TRAK1: variants seen among roughly 807,000 people sequenced by gnomAD.
The protein encoded by TRAK1 is trafficking kinesin-binding protein 1.
In TRAK1, 33 loss-of-function variants were observed where a neutral mutation model predicts 92.1. The ratio of observed to expected loss-of-function variants is 0.36; its 90% CI spans 0.27 to 0.48. The LOEUF is 0.48. Among genes scored for constraint, TRAK1 ranks in the 20% least tolerant of loss-of-function variants. The pLI is 0.99. For missense variants in TRAK1, 1,123 were observed against 1,257.9 expected (o/e 0.89, Z 1.62); for synonymous variants, 521 against 517.3 (o/e 1.01, Z -0.10).
At chr3:42,055,212 A>G (rs1328375745) in intron 1 of TRAK1, among the ~76,000 whole-genome samples, 3 of 151,938 alleles carry the variant, frequency 2.0e-5, no homozygotes, top group Non-Finnish European at 2.9e-5. Flanking sequence ...GAGCCACTGC[A>G]CCCAGCCTGA....
intron 9 of TRAK1, 128 bp downstream of exon 9, chr3:42,194,026 C>T (rs888945056): frequency 1.9e-5 from 17 of 904,828 alleles, no homozygotes; most frequent in African/African-American, 3.3e-5. Context: ...CATTTTTATT[C>T]GTGGGAGAGT....
chr3:42,027,300 G>T (rs924548672), intron 1 of TRAK1, among the ~76,000 whole-genome samples: 2 of 152,168 alleles, frequency 1.3e-5, no homozygotes, highest in African/African-American at 2.4e-5. Context: ...GAGACGGGCG[G>T]ATCACGAGGT....
At chr3:42,080,601 G>C (rs1439939807) in intron 1 of TRAK1, among the ~76,000 whole-genome samples, 2 of 152,178 alleles carry the variant, frequency 1.3e-5, no homozygotes, top group Non-Finnish European at 2.9e-5. Flanking sequence ...GCTGGAGCCA[G>C]AGAACATCCA....
chr3:42,090,515 G>A (rs917289221), upstream of TRAK1, among the ~76,000 whole-genome samples: 6 of 152,228 alleles, frequency 3.9e-5, no homozygotes, highest in African/African-American at 7.2e-5. Flanking sequence ...GTGAAACCCC[G>A]TCTCTACTAA....
intron 1 of TRAK1, among the ~76,000 whole-genome samples, chr3:42,066,769 C>G (rs890948873): frequency 2.0e-5 from 3 of 152,158 alleles, no homozygotes; most frequent in Non-Finnish European, 4.4e-5. Context: ...CCAGCTGTCA[C>G]TGTTTATTCA....
intron 1 of TRAK1, among the ~76,000 whole-genome samples, chr3:42,044,185 G>A (rs995418810): frequency 1.3e-5 from 2 of 152,074 alleles, no homozygotes; most frequent in African/African-American, 2.4e-5. Flanking sequence ...TTTTGAAACA[G>A]GGTCTTGCTC....
intron 2 of TRAK1, chr3:42,160,325 C>G: frequency 6.2e-7 from 1 of 1,612,572 alleles, no homozygotes; most frequent in Non-Finnish European, 8.5e-7. Context: ...AGGATGGTCC[C>G]TTAGGGTGAT....
At chr3:42,155,366 A>C (rs757252277) in intron 2 of TRAK1, among the ~76,000 whole-genome samples, 6 of 152,136 alleles carry the variant, frequency 3.9e-5, no homozygotes, top group Non-Finnish European at 8.8e-5. Flanking sequence ...CAAAAGGAAA[A>C]TTTATGCTCC....
At chr3:42,117,653 C>G (rs556177138) in intron 1 of TRAK1, among the ~76,000 whole-genome samples, 11 of 152,254 alleles carry the variant, frequency 7.2e-5, no homozygotes, top group South Asian at 2.1e-4. Flanking sequence ...TTAGAGCCCT[C>G]AAGCTCCAGC....
intron 4 of TRAK1, among the ~76,000 whole-genome samples, chr3:42,187,069 C>T (rs1381431162): frequency 6.6e-6 from 1 of 152,280 alleles, no homozygotes; most frequent in East Asian, 1.9e-4. Context: ...ACCTTAAGTA[C>T]AAATCAGGGT....
rs1415103252 is a variant in TRAK1 at position 42,196,718 on chromosome 3, T to G, written c.1113+1777T>G. Reference sequence around the variant, plus strand: ...ACGCCCGGCTAATTTTTTTTTTTTTTTGTATTTTTAGTAGAGATGGGGTTT... The same window carrying G: ...ACGCCCGGCTAATTTTTTTTTTTTTGTGTATTTTTAGTAGAGATGGGGTTT... On this transcript the variant is annotated intron_variant, in intron 10 of 15. Transcript: ENST00000327628. 5.7e-4 allele frequency among the ~76,000 whole-genome samples: 87 copies of G among 151,372 alleles called. 1 individual carries two copies. The highest frequency in any genetic ancestry group is 2.1e-3 in the African/African-American group (87 of 41,252).
intron 1 of TRAK1, among the ~76,000 whole-genome samples, chr3:42,071,025 G>T (rs2148937591): frequency 6.6e-6 from 1 of 152,282 alleles, no homozygotes; most frequent in South Asian, 2.1e-4. Context: ...GATGTTGTGG[G>T]CCTCATGGGC....
chr3:42,149,874 T>C (rs1576632799), intron 2 of TRAK1, among the ~76,000 whole-genome samples: 2 of 152,308 alleles, frequency 1.3e-5, no homozygotes, highest in East Asian at 3.9e-4. Flanking sequence ...GTTATACTTC[T>C]ATTGGATTGA....
intron 1 of TRAK1, among the ~76,000 whole-genome samples, chr3:42,053,263 C>T (rs1703053213): frequency 6.7e-6 from 1 of 148,624 alleles, no homozygotes; most frequent in Non-Finnish European, 1.5e-5. Flanking sequence ...TAGCCGAGCT[C>T]ATTTTCCGTG....
chr3:42,092,438 G>A lies in TRAK1; in HGVS notation c.91+878G>A, dbSNP rs13081417. On this transcript the variant is annotated intron_variant, in intron 1 of 15. Transcript: ENST00000327628. ...AAACATGCATCTTACTGAGGCAATC[G>A]TACTTATTTTTGTGTGTTGAAGCAG... is the stretch of plus-strand genomic sequence containing the variant. Among the ~76,000 whole-genome samples the A allele has an allele frequency of 4.9e-3, 739 of 152,242 alleles. 3 individuals are homozygous for A. Among genetic ancestry groups the A allele is most frequent in the Non-Finnish European group, 8.1e-3 (553 of 68,022 alleles).
At chr3:42,078,839 T>A (rs1704288925) in intron 1 of TRAK1, among the ~76,000 whole-genome samples, 1 of 151,686 alleles carries the variant, frequency 6.6e-6, no homozygotes, top group Admixed American at 6.6e-5. Flanking sequence ...TGAAAAGGAT[T>A]CCATATGCTG....
At position 42,225,560 on chromosome 3, in the gene TRAK1, C is replaced by A. The variant is rs1381957685; in HGVS notation, c.*1823C>A. On this transcript the variant is annotated 3_prime_UTR_variant, in exon 16 of 16. Coordinates refer to ENST00000327628, the MANE Select transcript of TRAK1 (RefSeq NM_001042646.3). ...ATATGAAAACCATGGACTGAATGGACCATTTTATGTATTCAGAGAGAGAAG... is the reference window on the plus strand; with the variant it reads ...ATATGAAAACCATGGACTGAATGGAACATTTTATGTATTCAGAGAGAGAAG... The A allele has an allele frequency of 1.3e-5, 2 of 152,126 alleles. No homozygotes were observed. The highest frequency in any genetic ancestry group is 2.9e-5 in the Non-Finnish European group (2 of 68,032). The allele number at this position is 152,126 out of a possible 1,614,324, so 9.4% of individuals were successfully genotyped here. A position where few individuals can be genotyped will look rare whatever the true frequency, so the allele number is the denominator to read the frequency against.
chr3:42,116,824 T>C (rs1709223196), intron 1 of TRAK1, among the ~76,000 whole-genome samples: 1 of 151,930 alleles, frequency 6.6e-6, no homozygotes, highest in Non-Finnish European at 1.5e-5. Context: ...AGGAAAAAAA[T>C]AAAAAAGATG....
chr3:42,078,077 T>C (rs1459852345), intron 1 of TRAK1, among the ~76,000 whole-genome samples: 1 of 152,136 alleles, frequency 6.6e-6, no homozygotes, highest in Non-Finnish European at 1.5e-5. Flanking sequence ...ATGGTTGAGG[T>C]GGGACTAAAT....
Sources: allele counts gnomAD v4.1 joint callset (sites outside exome capture counted in the v4.1 genomes callset), GRCh38; gene constraint gnomAD v4.1.1; transcripts MANE v1.5; gene names NCBI Gene and HGNC (gene_info 2026-07-23, HGNC 2026-07-21).